The following RGS20 variants were observed in gnomAD, a reference collection of about 807,000 sequenced individuals.
The protein encoded by RGS20 is gz-selective GTPase-activating protein.
In RGS20, 30 loss-of-function variants were observed where a neutral mutation model predicts 33.6. That is an observed-to-expected ratio of 0.89 (90% confidence interval 0.67 to 1.21). RGS20 has a LOEUF of 1.21. Among genes scored for constraint, RGS20 ranks in the 50% most tolerant of loss-of-function variants. The pLI is 0.00. For synonymous variants in RGS20, 208 were observed against 197.9 expected (o/e 1.05, Z -0.43); for missense variants, 472 against 502.4 (o/e 0.94, Z 0.58).
Position 53,877,281 on chromosome 8 carries a change from C to G in RGS20, c.166-1977C>G, listed in dbSNP as rs1359402779. On this transcript the variant is annotated intron_variant, in intron 1 of 5. Transcript: ENST00000297313. The surrounding 1 kb of genome is among the most constrained non-coding windows in gnomAD (Gnocchi z 5.7). ...CTCTCTCGACTTCTTAGCGTGGGGT[C>G]CCGCCGGCCCTGCCGCCCGTGGCCG... Among the ~76,000 whole-genome samples the G allele has an allele frequency of 6.6e-6, 1 of 152,202 alleles. No individual in the cohort carries two copies. The highest frequency in any genetic ancestry group is 1.9e-4 in the East Asian group (1 of 5,188).
intron 2 of RGS20, among the ~76,000 whole-genome samples, chr8:53,913,119 C>T (rs779805951): frequency 1.1e-3 from 164 of 152,034 alleles, no homozygotes; most frequent in Admixed American, 2.1e-3. Flanking sequence ...GCACCTGCCA[C>T]CACGCCTGGC....
intron 2 of RGS20, among the ~76,000 whole-genome samples, chr8:53,895,775 G>T (rs1174002455): frequency 6.6e-6 from 1 of 151,444 alleles, no homozygotes; most frequent in Non-Finnish European, 1.5e-5. Flanking sequence ...CTCTTGAGTA[G>T]CTGGGACTAC....
chr8:53,933,466 C>A (rs988469191), intron 2 of RGS20, among the ~76,000 whole-genome samples: 2 of 152,002 alleles, frequency 1.3e-5, no homozygotes, highest in African/African-American at 4.8e-5. Flanking sequence ...GAAGCATACA[C>A]AAGTATCAAT....
chr8:53,890,979 C>T (rs1442170917), intron 2 of RGS20, among the ~76,000 whole-genome samples: 1 of 152,190 alleles, frequency 6.6e-6, no homozygotes, highest in African/African-American at 2.4e-5. Flanking sequence ...AAGACTCAGT[C>T]TTGCCTTCAG....
At position 53,939,628 on chromosome 8, in the gene RGS20, A is replaced by AGGACACACCAGGCGCCGCCCC. The variant is rs1246130161; in HGVS notation, c.564_584dup (p.Asp189_Pro195dup). The AGGACACACCAGGCGCCGCCCC allele has an allele frequency of 1.4e-5, 23 of 1,604,846 alleles. No individual in the cohort carries two copies. Among genetic ancestry groups the AGGACACACCAGGCGCCGCCCC allele is most frequent in the Middle Eastern group, 1.6e-4 (1 of 6,066 alleles). On this transcript the variant is annotated inframe_insertion, in exon 3 of 6. Transcript: ENST00000297313. ...CGGAAGCGGCAGATGCCCGCCGCCC[A>AGGACACACCAGGCGCCGCCCC]GGACACACCAGGCGCCGCCCCAGGC...
chr8:53,871,062 G>A (rs1812051294), intron 1 of RGS20, among the ~76,000 whole-genome samples: 1 of 120,396 alleles, frequency 8.3e-6, no homozygotes, highest in African/African-American at 3.3e-5. Flanking sequence ...AGTGAGCCAA[G>A]ATCGTGCCAC....
At chr8:53,899,387 T>G (rs1194948330) in intron 2 of RGS20, among the ~76,000 whole-genome samples, 1 of 152,262 alleles carries the variant, frequency 6.6e-6, no homozygotes, top group Non-Finnish European at 1.5e-5. Flanking sequence ...ACTCACAACC[T>G]GCATTTCTGT....
intron 2 of RGS20, among the ~76,000 whole-genome samples, chr8:53,880,477 C>G (rs943651213): frequency 3.3e-5 from 5 of 152,024 alleles, no homozygotes; most frequent in Non-Finnish European, 7.4e-5. Flanking sequence ...CCTCCAGAGA[C>G]GCGCAGTCCA....
chr8:53,947,018 T>G (rs1275534335), intron 4 of RGS20, among the ~76,000 whole-genome samples: 1 of 148,912 alleles, frequency 6.7e-6, no homozygotes, highest in Admixed American at 6.7e-5. Flanking sequence ...TTATGTTATT[T>G]TATTTTTATA....
intron 2 of RGS20, among the ~76,000 whole-genome samples, chr8:53,914,073 C>G (rs968955937): frequency 6.7e-6 from 1 of 148,166 alleles, no homozygotes; most frequent in Non-Finnish European, 1.5e-5. Context: ...CTCTGTCAGC[C>G]AAGCTGGAGT....
At chr8:53,926,502 T>C (rs1275922526) in intron 2 of RGS20, among the ~76,000 whole-genome samples, 1 of 152,236 alleles carries the variant, frequency 6.6e-6, no homozygotes, top group Non-Finnish European at 1.5e-5. Flanking sequence ...TGGTGTTTCA[T>C]CGTATTCTCA....
chr8:53,889,408 CTCTCTTTTTTTTTTTTT>C (rs1226186669), intron 2 of RGS20, among the ~76,000 whole-genome samples: 68 of 88,186 alleles, frequency 7.7e-4, no homozygotes, highest in African/African-American at 3.3e-3. Context: ...TTCTCTCTCT[CTCTCTTTTTTTTTTTTT>C]TTTTTTTTTT....
intron 1 of RGS20, among the ~76,000 whole-genome samples, chr8:53,865,953 G>A (rs1811908977): frequency 6.6e-6 from 1 of 152,180 alleles, no homozygotes; most frequent in African/African-American, 2.4e-5. Context: ...GCAAAGTCCT[G>A]AGGCTCACAG....
intron 2 of RGS20, among the ~76,000 whole-genome samples, chr8:53,923,573 C>T (rs1051914705): frequency 3.2e-4 from 48 of 150,882 alleles, no homozygotes; most frequent in East Asian, 2.0e-4. Flanking sequence ...CCAGCCTGGG[C>T]GACAGAGTGA....
At chr8:53,917,682 T>G (rs1298774571) in intron 2 of RGS20, among the ~76,000 whole-genome samples, 1 of 152,160 alleles carries the variant, frequency 6.6e-6, no homozygotes, top group African/African-American at 2.4e-5. Flanking sequence ...GGTAGGAGGA[T>G]CACTTGAGCC....
intron 4 of RGS20, among the ~76,000 whole-genome samples, chr8:53,950,923 A>G (rs1410284531): frequency 6.6e-6 from 1 of 152,078 alleles, no homozygotes; most frequent in Non-Finnish European, 1.5e-5. Context: ...ACTAATCTAT[A>G]CTTCTTCCCC....
intron 2 of RGS20, among the ~76,000 whole-genome samples, chr8:53,917,824 A>G (rs1261677826): frequency 6.6e-6 from 1 of 152,182 alleles, no homozygotes; most frequent in Non-Finnish European, 1.5e-5. Flanking sequence ...AGCCATCATC[A>G]TAATCTAATT....
intron 3 of RGS20, among the ~76,000 whole-genome samples, chr8:53,944,102 A>T (rs935387960): frequency 3.9e-5 from 6 of 152,196 alleles, no homozygotes; most frequent in Admixed American, 1.3e-4. Context: ...GATATAATAA[A>T]GAATATAGAA....
At chr8:53,954,908 G>C (rs1446430160) in intron 5 of RGS20, among the ~76,000 whole-genome samples, 1 of 151,044 alleles carries the variant, frequency 6.6e-6, no homozygotes, top group African/African-American at 2.4e-5. Context: ...GGATGGTCTT[G>C]ATCTCTTGAC....
Sources: allele counts gnomAD v4.1 joint callset (sites outside exome capture counted in the v4.1 genomes callset), GRCh38; gene constraint gnomAD v4.1.1; non-coding constraint Gnocchi (gnomAD v3.1); transcripts MANE v1.5; gene names NCBI Gene and HGNC (gene_info 2026-07-23, HGNC 2026-07-21).